RUNX1T1: variants seen among roughly 807,000 people sequenced by gnomAD.
The protein encoded by RUNX1T1 is RUNX1 partner transcriptional co-repressor 1, also known as protein CBFA2T1.
RUNX1T1 carries 4 observed loss-of-function variants against 62.8 expected under a neutral mutation model. The ratio of observed to expected loss-of-function variants is 0.06; its 90% confidence interval spans 0.03 to 0.15. RUNX1T1 has a LOEUF of 0.15. Among genes scored for constraint, RUNX1T1 ranks in the 10% least tolerant of loss-of-function variants. The pLI, the probability that RUNX1T1 is intolerant of heterozygous loss-of-function variation, is 1.00. For missense variants in RUNX1T1, 508 were observed against 754.3 expected (o/e 0.67, Z 3.82); for synonymous variants, 291 against 286.0 (o/e 1.02, Z -0.18).
intron 1 of RUNX1T1, among the ~76,000 whole-genome samples, chr8:92,084,169 C>A (rs530617012): frequency 6.6e-4 from 100 of 151,940 alleles, no homozygotes; most frequent in Non-Finnish European, 1.2e-3. Context: ...ATGGTTGCTG[C>A]AAACCACCAT....
At chr8:92,081,534 T>G (rs542181250) in intron 1 of RUNX1T1, among the ~76,000 whole-genome samples, 1 of 150,412 alleles carries the variant, frequency 6.6e-6, no homozygotes, top group Non-Finnish European at 1.5e-5. Flanking sequence ...TGATGTTTGG[T>G]AGTTTTTTTT....
chr8:92,061,384 G>A (rs965112649), intron 1 of RUNX1T1, among the ~76,000 whole-genome samples: 1 of 152,090 alleles, frequency 6.6e-6, no homozygotes, highest in Non-Finnish European at 1.5e-5. Flanking sequence ...TTAGTTGCAT[G>A]GTGCATATAA....
chr8:92,103,094 C>G (rs1007604627), upstream of RUNX1T1: 1 of 432,780 alleles, frequency 2.3e-6, no homozygotes, highest in South Asian at 8.1e-5. Flanking sequence ...GTGCAAAAAG[C>G]CCGGGGTCGG....
downstream of RUNX1T1, chr8:91,957,399 A>G (rs1479666493): frequency 4.4e-6 from 1 of 227,830 alleles, no homozygotes. Flanking sequence ...AGGTAGAGTG[A>G]AACTTTTTGC....
chr8:91,969,827 G>A (rs1432856250), intron 10 of RUNX1T1, among the ~76,000 whole-genome samples: 4 of 152,182 alleles, frequency 2.6e-5, no homozygotes, highest in Non-Finnish European at 5.9e-5. Context: ...ATGCCATTGT[G>A]AGTTCGGCTT....
At chr8:92,060,553 ATGTG>A (rs1271953758) in intron 1 of RUNX1T1, among the ~76,000 whole-genome samples, 147 of 63,944 alleles carry the variant, frequency 2.3e-3, no homozygotes, top group South Asian at 7.7e-3. Context: ...ATATATATAT[ATGTG>A]TGTGTGTGTG....
In RUNX1T1 at chr8:92,031,475, T is replaced by A. The variant is rs554221969; in HGVS notation, c.8-14112A>T. On this transcript the variant is annotated intron_variant, in intron 1 of 10. Transcript: ENST00000396218. Reference sequence around the variant, plus strand: ...TAATGTATGTATGTATGTAAGCATGTGTGTTTGTTTATTTGAGACAGGGTC... The same window carrying A: ...TAATGTATGTATGTATGTAAGCATGAGTGTTTGTTTATTTGAGACAGGGTC... Among the ~76,000 whole-genome samples the A allele has an allele frequency of 3.5e-5, 5 of 142,344 alleles. No individual in the cohort carries two copies. In the South Asian group the frequency reaches 1.1e-3, roughly 31 times the overall value. 93.4% of individuals were successfully genotyped at this position (142,344 alleles called of 152,430 possible).
intron 1 of RUNX1T1, among the ~76,000 whole-genome samples, chr8:92,082,138 G>C (rs1835373312): frequency 6.6e-6 from 1 of 152,136 alleles, no homozygotes. Context: ...GCCCGCCTCA[G>C]CCTCCCAAAG....
At chr8:92,006,773 T>A (rs1291016023) in intron 4 of RUNX1T1, 2 of 151,928 alleles carry the variant, frequency 1.3e-5, no homozygotes, top group Non-Finnish European at 2.9e-5. Context: ...CAACCCATTA[T>A]CTAGGTTTTA....
chr8:92,067,772 T>C (rs1285611298), upstream of RUNX1T1, among the ~76,000 whole-genome samples: 3 of 152,224 alleles, frequency 2.0e-5, no homozygotes, highest in Non-Finnish European at 4.4e-5. Flanking sequence ...AATATCACAC[T>C]GAAAGTAAAC....
chr8:91,976,021 A>G (rs750541336), intron 8 of RUNX1T1, 48 bp from the exon 10 acceptor site: 1 of 1,318,868 alleles, frequency 7.6e-7, no homozygotes, highest in African/African-American at 1.4e-5. Context: ...GAGTACTGTA[A>G]GCACACTTGT....
In RUNX1T1 at chr8:91,970,731, G is replaced by A. The variant is rs781778214; in HGVS notation, c.1385C>T (p.Thr462Met). 33 of 1,613,566 alleles carry A rather than the reference G, an allele frequency of 2.0e-5. No individual in the cohort carries two copies. In the Middle Eastern group the frequency reaches 8.2e-4, roughly 40 times the overall value. ...CGCCTGCCGTTTGGCCTCGGCGACC[G>A]TGCGCTCCATCTTGGCCCTCTCTGT... Residue 462 changes from threonine (T) to methionine (M), a missense_variant, in exon 10 of 11, where the codon ACG becomes ATG. Thr to Met is a moderately conservative substitution (Grantham distance 81). Around this residue, in one of 7 missense-constraint regions of RUNX1T1, gnomAD observed 70 missense variants for 169.6 expected, o/e 0.41. Transcript: ENST00000396218.
At chr8:92,026,914 G>A (rs1320061069) in intron 1 of RUNX1T1, among the ~76,000 whole-genome samples, 7 of 151,078 alleles carry the variant, frequency 4.6e-5, no homozygotes, top group East Asian at 3.9e-4. Context: ...TCAGGAGATC[G>A]AGACCATCCT....
At chr8:92,034,317 C>A (rs1826844102) in intron 1 of RUNX1T1, among the ~76,000 whole-genome samples, 1 of 152,046 alleles carries the variant, frequency 6.6e-6, no homozygotes, top group Non-Finnish European at 1.5e-5. Context: ...CACTAGAGCA[C>A]CATAAGAATA....
chr8:92,095,012 C>A, intron 1 of RUNX1T1: 1 of 1,528,284 alleles, frequency 6.5e-7, no homozygotes, highest in Non-Finnish European at 8.8e-7. Flanking sequence ...AAGATAAGGC[C>A]CTCCGGTATT....
At chr8:92,047,076 G>C (rs952184944) in intron 1 of RUNX1T1, among the ~76,000 whole-genome samples, 1 of 152,154 alleles carries the variant, frequency 6.6e-6, no homozygotes, top group African/African-American at 2.4e-5. Context: ...GGATTGGACA[G>C]GGAAGTCCTG....
chr8:92,060,934 A>AGG (rs1282585234), intron 1 of RUNX1T1, among the ~76,000 whole-genome samples: 5 of 152,062 alleles, frequency 3.3e-5, no homozygotes, highest in African/African-American at 1.2e-4. Context: ...AGAGAGAGAG[A>AGG]GAGAGAGAGA....
chr8:91,960,557 TAC>T (rs1287094605), intron 10 of RUNX1T1, 40 bp from the exon 12 acceptor site: 1 of 1,598,538 alleles, frequency 6.3e-7, no homozygotes, highest in Non-Finnish European at 8.6e-7. Context: ...CCCAAGTTAA[TAC>T]ACTGTTAAGA....
chr8:92,028,394 G>T (rs1825659570), intron 1 of RUNX1T1, among the ~76,000 whole-genome samples: 1 of 152,126 alleles, frequency 6.6e-6, no homozygotes, highest in African/African-American at 2.4e-5. Context: ...AAGTCCTTCA[G>T]AAATGTCATC....
Sources: allele counts gnomAD v4.1 joint callset (sites outside exome capture counted in the v4.1 genomes callset), GRCh38; gene constraint gnomAD v4.1.1; regional missense constraint gnomAD v4.1.1; transcripts MANE v1.5; gene names NCBI Gene and HGNC (gene_info 2026-07-23, HGNC 2026-07-21).